Variants in BRIP1 observed in about 807,000 individuals in gnomAD.
BRIP1 encodes the protein BRCA1 interacting DNA helicase 1, also known as Fanconi anemia group J protein.
Under a neutral mutation model 119.7 loss-of-function variants are expected in BRIP1, and 88 were observed. That is an observed-to-expected ratio of 0.74 (90% confidence interval 0.62 to 0.88). The LOEUF is 0.88. BRIP1 is among the 40% of genes least tolerant of loss of function. The pLI, the probability that BRIP1 is intolerant of heterozygous loss-of-function variation, is 0.00. For missense variants in BRIP1, 1,259 were observed against 1,455.4 expected (o/e 0.87, Z 2.20); for synonymous variants, 443 against 496.5 (o/e 0.89, Z 1.43).
In BRIP1 at chr17:61,703,907, AGG is replaced by A. The variant is rs1463175470; in HGVS notation, c.2493-10397_2493-10396del. 3.9e-5 allele frequency among the ~76,000 whole-genome samples: 6 copies of A among 152,202 alleles called. No individual in the cohort carries two copies. The East Asian group carries it at 1.2e-3, about 29-fold the overall frequency. ...TTTTGTTTTGTTGCAATTGCTTTTG[AGG>A]ACTTAGTCACAAATTCTTTGCCAAA... On this transcript the variant is annotated intron_variant, in intron 17 of 19. Coordinates refer to ENST00000259008, the MANE Select transcript of BRIP1 (RefSeq NM_032043.3). The surrounding 1 kb of genome is among the most constrained non-coding windows in gnomAD (Gnocchi z 5.0).
intron 5 of BRIP1, 120 bp from the exon 6 acceptor site, chr17:61,847,340 T>A: frequency 9.4e-7 from 1 of 1,062,672 alleles, no homozygotes; most frequent in Non-Finnish European, 1.4e-6. Context: ...AGACTATTTC[T>A]AACAGGCAAT....
rs200313471 is a variant in BRIP1 at position 61,744,569 on chromosome 17, C to A, written c.2120G>T (p.Arg707Leu). ...SYKLLEKLKERWLSTGLWHNL... is the reference protein window; with the variant it reads ...SYKLLEKLKELWLSTGLWHNL... ...ATGCCATAAACCAGTAGAGAGCCAACGTTCTTTTAATTTTTCTAATAACTA... is the reference window on the plus strand; with the variant it reads ...ATGCCATAAACCAGTAGAGAGCCAAAGTTCTTTTAATTTTTCTAATAACTA... The change falls in exon 15 of 20, where the codon CGT (arginine) becomes CTT (leucine). Residue 707 changes from arginine (R) to leucine (L), a missense_variant. Arg to Leu is a moderately radical substitution (Grantham distance 102). This residue lies in a region of BRIP1 where 753 missense variants were observed against 891.8 expected (regional missense o/e 0.84). Coordinates refer to ENST00000259008, the MANE Select transcript of BRIP1 (RefSeq NM_032043.3). This position sits in a 1 kb window ranked among gnomAD's most constrained non-coding sequence, Gnocchi z 5.0. The A allele has an allele frequency of 2.5e-6, 4 of 1,613,470 alleles. No individual in the cohort carries two copies. The South Asian group carries it at 4.4e-5, about 18-fold the overall frequency.
At chr17:61,811,334 C>T (rs929655739) in intron 6 of BRIP1, among the ~76,000 whole-genome samples, 3 of 151,962 alleles carry the variant, frequency 2.0e-5, no homozygotes. Context: ...AGCAAGTCTC[C>T]TGCCTCAGCC....
At chr17:61,765,404 TATATATATATATA>T (rs1567798899) in intron 14 of BRIP1, among the ~76,000 whole-genome samples, 5 of 16,290 alleles carry the variant, frequency 3.1e-4, no homozygotes, top group Non-Finnish European at 5.5e-4. Context: ...TATATATATA[TATATATATATATA>T]TATATATTTT....
At position 61,752,141 on chromosome 17, in the gene BRIP1, T is replaced by C. The variant is rs575334677; in HGVS notation, c.2098-7550A>G. ...GATGGATACTCAGATCTCCATTTTATTATTATTTAAAATGTACATATTAGT... is the reference window on the plus strand; with the variant it reads ...GATGGATACTCAGATCTCCATTTTACTATTATTTAAAATGTACATATTAGT... On this transcript the variant is annotated intron_variant, in intron 14 of 19. Coordinates refer to ENST00000259008, the MANE Select transcript of BRIP1 (RefSeq NM_032043.3). The surrounding 1 kb of genome is among the most constrained non-coding windows in gnomAD (Gnocchi z 6.2). 7.2e-4 allele frequency among the ~76,000 whole-genome samples: 110 copies of C among 152,266 alleles called. No homozygotes were observed. Among genetic ancestry groups the C allele is most frequent in the Non-Finnish European group, 1.0e-3 (71 of 68,014 alleles).
chr17:61,858,403 C>T (rs1307370726), intron 3 of BRIP1, among the ~76,000 whole-genome samples: 1 of 142,880 alleles, frequency 7.0e-6, no homozygotes, highest in African/African-American at 2.7e-5. Flanking sequence ...GACAGAGTTT[C>T]GCTCCTGTTG....
intron 6 of BRIP1, among the ~76,000 whole-genome samples, chr17:61,826,093 A>G (rs1448775378): frequency 8.5e-5 from 13 of 152,166 alleles, no homozygotes; most frequent in Admixed American, 8.5e-4. Context: ...CCCAGAAATA[A>G]GGTCACACCT....
At position 61,762,324 on chromosome 17, in the gene BRIP1, A is replaced by G. The variant is rs2077289463; in HGVS notation, c.2097+14077T>C. 1.3e-5 allele frequency among the ~76,000 whole-genome samples: 2 copies of G among 152,278 alleles called. No individual in the cohort carries two copies. The highest frequency in any genetic ancestry group is 3.4e-3 in the Middle Eastern group (1 of 294). Reference sequence around the variant, plus strand: ...AAGAAAACAGAGGGGGGAAAACTACATAACATTGGTTTAGGCAATGATTTT... The same window carrying G: ...AAGAAAACAGAGGGGGGAAAACTACGTAACATTGGTTTAGGCAATGATTTT... On this transcript the variant is annotated intron_variant, in intron 14 of 19. Coordinates refer to ENST00000259008, the MANE Select transcript of BRIP1 (RefSeq NM_032043.3). This position sits in a 1 kb window ranked among gnomAD's most constrained non-coding sequence, Gnocchi z 4.3.
rs556227309 is a variant in BRIP1, at chr17:61,810,016, G to A, written c.628-1259C>T. Among the ~76,000 whole-genome samples the A allele has an allele frequency of 1.3e-5, 2 of 152,318 alleles. No individual in the cohort carries two copies. The highest frequency in any genetic ancestry group is 4.1e-4 in the South Asian group (2 of 4,830). ...AATACATGATAGAATGGATGTAAAT[G>A]TGACCCTTCTGGAGCTGTCACTCAC... is the stretch of plus-strand genomic sequence containing the variant. On this transcript the variant is annotated intron_variant, in intron 6 of 19. Coordinates refer to ENST00000259008, the MANE Select transcript of BRIP1 (RefSeq NM_032043.3). The surrounding 1 kb of genome is among the most constrained non-coding windows in gnomAD (Gnocchi z 4.7).
Position 61,775,238 on chromosome 17 carries a change from T to A in BRIP1, c.2097+1163A>T, listed in dbSNP as rs2077515342. On this transcript the variant is annotated intron_variant, in intron 14 of 19. Transcript: ENST00000259008. The surrounding 1 kb of genome is among the most constrained non-coding windows in gnomAD (Gnocchi z 4.4). ...AAATCTTGTTTTCCATTAAGAATTT[T>A]AAAAAATGTTTATGTCCGTTTTATT... Among the ~76,000 whole-genome samples the A allele has an allele frequency of 6.6e-6, 1 of 152,170 alleles. No homozygotes were observed. Among genetic ancestry groups the A allele is most frequent in the African/African-American group, 2.4e-5 (1 of 41,462 alleles).
At position 61,705,153 on chromosome 17, in the gene BRIP1, C is replaced by G. The variant is rs763689286; in HGVS notation, c.2492+10798G>C. 2.6e-5 allele frequency among the ~76,000 whole-genome samples: 4 copies of G among 152,116 alleles called. No homozygotes were observed. The highest frequency in any genetic ancestry group is 6.5e-5 in the Admixed American group (1 of 15,268). ...TCCCATCTTTAAGTCCATGTGTACCCATTGTTTATCTCCCATTTATAAGTG... is the reference window on the plus strand; with the variant it reads ...TCCCATCTTTAAGTCCATGTGTACCGATTGTTTATCTCCCATTTATAAGTG... On this transcript the variant is annotated intron_variant, in intron 17 of 19. Transcript: ENST00000259008. The surrounding 1 kb of genome is among the most constrained non-coding windows in gnomAD (Gnocchi z 5.0).
intron 17 of BRIP1, among the ~76,000 whole-genome samples, chr17:61,714,622 G>A (rs779381252): frequency 4.6e-5 from 7 of 151,974 alleles, no homozygotes; most frequent in Admixed American, 6.6e-5. Flanking sequence ...GAATATATCC[G>A]TTATTAAGTG....
At position 61,807,981 on chromosome 17, in the gene BRIP1, G is replaced by A. The variant is rs2078098866; in HGVS notation, c.918+486C>T. 6.6e-6 allele frequency among the ~76,000 whole-genome samples: 1 copy of A among 151,954 alleles called. No homozygotes were observed. Among genetic ancestry groups the A allele is most frequent in the African/African-American group, 2.4e-5 (1 of 41,376 alleles). The stretch of plus-strand genomic sequence containing the variant: ...TAATTTAGTATAACTTTTAAAAGAG[G>A]GGTTTGTATTTATCAGAATTATGAG... On this transcript the variant is annotated intron_variant, in intron 7 of 19. Coordinates refer to ENST00000259008, the MANE Select transcript of BRIP1 (RefSeq NM_032043.3). The surrounding 1 kb of genome is among the most constrained non-coding windows in gnomAD (Gnocchi z 4.5).
Position 61,847,284 on chromosome 17 carries a change from C to A in BRIP1, c.508-64G>T. The A allele has an allele frequency of 6.4e-7, 1 of 1,570,090 alleles. No individual in the cohort carries two copies. The highest frequency in any genetic ancestry group is 1.1e-5 in the South Asian group (1 of 90,042). ...AGAAGTTTAACTGGCTAGTTGTTCTCAAAGGCCAAAACAGCTCTATGTATT... is the reference window on the plus strand; with the variant it reads ...AGAAGTTTAACTGGCTAGTTGTTCTAAAAGGCCAAAACAGCTCTATGTATT... On this transcript the variant is annotated intron_variant, in intron 5 of 19. Coordinates refer to ENST00000259008, the MANE Select transcript of BRIP1 (RefSeq NM_032043.3).
chr17:61,716,400 C>G (rs566440269), intron 16 of BRIP1, among the ~76,000 whole-genome samples: 72 of 152,078 alleles, frequency 4.7e-4, no homozygotes, highest in African/African-American at 1.7e-3. Context: ...TTCATCACCC[C>G]CAAAAGTTCC....
Position 61,807,738 on chromosome 17 carries a change from T to TG in BRIP1, c.918+728dup, listed in dbSNP as rs1301841038. On this transcript the variant is annotated intron_variant, in intron 7 of 19. Coordinates refer to ENST00000259008, the MANE Select transcript of BRIP1 (RefSeq NM_032043.3). This position sits in a 1 kb window ranked among gnomAD's most constrained non-coding sequence, Gnocchi z 4.5. Reference sequence around the variant, plus strand: ...GTAATCAATTTATGGTTCACTGATTTGGGGGTATAATTTCATACTTGCAAC... The same window carrying TG: ...GTAATCAATTTATGGTTCACTGATTTGGGGGGTATAATTTCATACTTGCAAC... Among the ~76,000 whole-genome samples, 1 of 152,144 alleles carries TG rather than the reference T, an allele frequency of 6.6e-6. No homozygotes were observed. The highest frequency in any genetic ancestry group is 2.4e-5 in the African/African-American group (1 of 41,450).
chr17:61,807,757 T>G lies in BRIP1; in HGVS notation c.918+710A>C, dbSNP rs1426064661. Among the ~76,000 whole-genome samples the G allele has an allele frequency of 6.6e-6, 1 of 152,138 alleles. No homozygotes were observed. Among genetic ancestry groups the G allele is most frequent in the Non-Finnish European group, 1.5e-5 (1 of 67,992 alleles). On this transcript the variant is annotated intron_variant, in intron 7 of 19. Coordinates refer to ENST00000259008, the MANE Select transcript of BRIP1 (RefSeq NM_032043.3). This position sits in a 1 kb window ranked among gnomAD's most constrained non-coding sequence, Gnocchi z 4.5. ...CTGATTTGGGGGTATAATTTCATAC[T>G]TGCAACTTCAATTTTAGAGTAAACT...
intron 16 of BRIP1, among the ~76,000 whole-genome samples, chr17:61,719,919 C>T (rs541424908): frequency 4.6e-5 from 7 of 152,164 alleles, no homozygotes; most frequent in Admixed American, 4.6e-4. Flanking sequence ...GCCTTGACCT[C>T]CTGGGCTCAA....
chr17:61,752,904 A>T lies in BRIP1; in HGVS notation c.2098-8313T>A, dbSNP rs1471743734. 6.6e-6 allele frequency among the ~76,000 whole-genome samples: 1 copy of T among 152,214 alleles called. No individual in the cohort carries two copies. The highest frequency in any genetic ancestry group is 2.4e-5 in the African/African-American group (1 of 41,452). On this transcript the variant is annotated intron_variant, in intron 14 of 19. Coordinates refer to ENST00000259008, the MANE Select transcript of BRIP1 (RefSeq NM_032043.3). The surrounding 1 kb of genome is among the most constrained non-coding windows in gnomAD (Gnocchi z 6.2). ...GCTCTGTAGGTATATGATTAGCCCA[A>T]ATATGATTACAGTACCTGCTATGTT...
Sources: allele counts gnomAD v4.1 joint callset (sites outside exome capture counted in the v4.1 genomes callset), GRCh38; gene constraint gnomAD v4.1.1; regional missense constraint gnomAD v4.1.1; non-coding constraint Gnocchi (gnomAD v3.1); transcripts MANE v1.5; gene names NCBI Gene and HGNC (gene_info 2026-07-23, HGNC 2026-07-21).